The following LAMA3 variants were observed in gnomAD, a reference collection of about 807,000 sequenced individuals.
LAMA3 encodes the protein laminin subunit alpha-3.
Under a neutral mutation model 402.0 loss-of-function variants are expected in LAMA3, and 281 were observed. The observed-to-expected ratio is 0.70, with a 90% CI of 0.63 to 0.77. The LOEUF is 0.77. LAMA3 is among the 30% of genes least tolerant of loss of function. The pLI is 0.00. For missense variants in LAMA3, 3,840 were observed against 4,215.5 expected (o/e 0.91, Z 2.47); for synonymous variants, 1,431 against 1,558.4 (o/e 0.92, Z 1.93).
intron 41 of LAMA3, among the ~76,000 whole-genome samples, chr18:23,885,156 A>C: frequency 8.5e-6 from 1 of 117,400 alleles, no homozygotes. Context: ...ACACCTCCCT[A>C]CCTACCCCTC....
chr18:23,872,375 T>A (rs1394741974), intron 38 of LAMA3, among the ~76,000 whole-genome samples: 1 of 152,178 alleles, frequency 6.6e-6, no homozygotes, highest in East Asian at 1.9e-4. Context: ...ACTGTTTAAT[T>A]TCTCTGGCTA....
chr18:23,817,495 T>G (rs1286586669), intron 18 of LAMA3, among the ~76,000 whole-genome samples: 1 of 152,074 alleles, frequency 6.6e-6, no homozygotes, highest in Non-Finnish European at 1.5e-5. Context: ...GACAATTGCT[T>G]GAGGCCAGGA....
intron 11 of LAMA3, among the ~76,000 whole-genome samples, chr18:23,782,779 T>C (rs2143988253): frequency 6.7e-6 from 1 of 150,326 alleles, no homozygotes; most frequent in African/African-American, 2.5e-5. Flanking sequence ...GGAAGTTAAT[T>C]AACCTTTCTG....
At chr18:23,752,037 T>A (rs953154673) in intron 5 of LAMA3, among the ~76,000 whole-genome samples, 3 of 152,148 alleles carry the variant, frequency 2.0e-5, no homozygotes, top group Non-Finnish European at 4.4e-5. Context: ...ATAGGTAACA[T>A]CAGAGAGCTG....
intron 23 of LAMA3, among the ~76,000 whole-genome samples, chr18:23,829,505 A>G (rs892642484): frequency 6.6e-6 from 1 of 152,134 alleles, no homozygotes; most frequent in African/African-American, 2.4e-5. Context: ...TGCCTTCTCT[A>G]TTGTTATGAC....
At chr18:23,944,107 G>A (rs1012079706) in intron 69 of LAMA3, 136 bp downstream of exon 69, 10 of 837,598 alleles carry the variant, frequency 1.2e-5, no homozygotes, top group African/African-American at 1.7e-5. Context: ...CAGGCGCTGC[G>A]TTCCCAGCAT....
Position 23,939,349 on chromosome 18 carries a change from T to C in LAMA3, c.8989T>C (p.Leu2997=). 1 of 1,614,204 alleles carries C rather than the reference T, an allele frequency of 6.2e-7. No individual in the cohort carries two copies. The highest frequency in any genetic ancestry group is 8.5e-7 in the Non-Finnish European group (1 of 1,180,032). The part of the protein sequence containing the change: ...LQFGDIPTSH[L]LFKLPQELLK... ...GTTTGGGGACATTCCCACCAGCCAC[T>C]TGCTATTCAAGCTTCCTCAGGAGCT... The change falls in exon 68 of 75, where the codon TTG becomes CTG. Residue 2997 remains leucine, a synonymous_variant. Coordinates refer to ENST00000313654, the MANE Select transcript of LAMA3 (RefSeq NM_198129.4).
intron 8 of LAMA3, 77 bp from the exon 9 acceptor site, chr18:23,773,420 T>C (rs981524468): frequency 1.2e-6 from 1 of 848,080 alleles, no homozygotes; most frequent in African/African-American, 1.7e-5. Context: ...GAATTATTCC[T>C]CTGGGTGAGT....
chr18:23,813,905 G>A (rs2144321222), intron 14 of LAMA3, among the ~76,000 whole-genome samples: 1 of 152,346 alleles, frequency 6.6e-6, no homozygotes, highest in African/African-American at 2.4e-5. Flanking sequence ...AGAGCCTAGA[G>A]ATGCCGACTT....
chr18:23,788,122 GATAA>G (rs2062581880), intron 12 of LAMA3, among the ~76,000 whole-genome samples: 1 of 151,828 alleles, frequency 6.6e-6, no homozygotes, highest in Non-Finnish European at 1.5e-5. Context: ...AACTAGAAAG[GATAA>G]ATAGAGTTTA....
chr18:23,819,789 G>C, intron 18 of LAMA3, 52 bp from the exon 19 acceptor site: 2 of 1,499,936 alleles, frequency 1.3e-6, no homozygotes, highest in South Asian at 1.1e-5. Context: ...AAGATGTTCA[G>C]ATGATCTATG....
At chr18:23,942,580 C>CTT (rs11293501) in intron 68 of LAMA3, among the ~76,000 whole-genome samples, 3 of 133,576 alleles carry the variant, frequency 2.2e-5, no homozygotes, top group Admixed American at 1.5e-4. Context: ...TTGCACTCTG[C>CTT]TTTTTTTTTT....
chr18:23,934,081 A>C, intron 67 of LAMA3, 146 bp downstream of exon 67: 2 of 817,532 alleles, frequency 2.4e-6, no homozygotes, highest in Non-Finnish European at 4.1e-6. Context: ...AATCACACCA[A>C]AATGTCAAAA....
At chr18:23,783,430 T>C (rs763219931) in intron 11 of LAMA3, among the ~76,000 whole-genome samples, 1 of 151,958 alleles carries the variant, frequency 6.6e-6, no homozygotes, top group Non-Finnish European at 1.5e-5. Context: ...TGACACCTGG[T>C]GGATGAGAAA....
intron 8 of LAMA3, among the ~76,000 whole-genome samples, chr18:23,772,098 G>C (rs1297482282): frequency 6.7e-6 from 1 of 150,124 alleles, no homozygotes; most frequent in East Asian, 2.0e-4. Flanking sequence ...CTGGAGTGCA[G>C]TGGTGTGATT....
At chr18:23,758,293 G>A (rs919604412) in intron 6 of LAMA3, 103 bp from the exon 7 acceptor site, 38 of 782,804 alleles carry the variant, frequency 4.9e-5, no homozygotes, top group Non-Finnish European at 8.1e-5. Flanking sequence ...GAATGGTGCC[G>A]TGGATGACCG....
At chr18:23,807,785 C>G (rs1384906086) in intron 12 of LAMA3, among the ~76,000 whole-genome samples, 1 of 152,190 alleles carries the variant, frequency 6.6e-6, no homozygotes, top group African/African-American at 2.4e-5. Context: ...TTACTCTCAT[C>G]TAAAAAATAC....
intron 27 of LAMA3, among the ~76,000 whole-genome samples, chr18:23,840,869 A>G (rs909648339): frequency 6.6e-6 from 1 of 152,194 alleles, no homozygotes; most frequent in African/African-American, 2.4e-5. Flanking sequence ...TATTTACATT[A>G]TATTTATGGG....
At chr18:23,825,762 A>G (rs1598868005) in intron 21 of LAMA3, among the ~76,000 whole-genome samples, 1 of 152,310 alleles carries the variant, frequency 6.6e-6, no homozygotes, top group East Asian at 1.9e-4. Flanking sequence ...GTAGAAGTTC[A>G]TTATAAAAGT....
Sources: gnomAD v4.1 joint callset for allele counts (sites outside exome capture counted in the v4.1 genomes callset) on GRCh38, gnomAD v4.1.1 for gene constraint, MANE v1.5 for transcripts, NCBI Gene and HGNC (gene_info 2026-07-23, HGNC 2026-07-21) for gene names.